EFL1: variants seen among roughly 807,000 people sequenced by gnomAD.
EFL1 encodes the protein elongation factor like GTPase 1.
A neutral mutation model predicts 126.7 loss-of-function variants in EFL1; 76 were observed. The ratio of observed to expected loss-of-function variants is 0.60; its 90% CI spans 0.50 to 0.73. The LOEUF (loss-of-function observed/expected upper bound fraction) is 0.73. Among genes scored for constraint, EFL1 ranks in the 30% least tolerant of loss-of-function variants. The pLI, the probability that EFL1 is intolerant of heterozygous loss-of-function variation, is 0.00. For missense variants in EFL1, 1,128 were observed against 1,343.2 expected, an observed-to-expected ratio of 0.84 and a Z score of 2.50; for synonymous variants, 410 against 448.4, an observed-to-expected ratio of 0.91 and a Z score of 1.08.
chr15:82,211,858 T>C (rs2074594357), intron 15 of EFL1, among the ~76,000 whole-genome samples: 1 of 152,196 alleles, frequency 6.6e-6, no homozygotes, highest in African/African-American at 2.4e-5. Context: ...CAAATAATCA[T>C]ATCAAAACAT....
At chr15:82,156,459 A>G (rs2073968420) in intron 17 of EFL1, among the ~76,000 whole-genome samples, 1 of 152,104 alleles carries the variant, frequency 6.6e-6, no homozygotes, top group Admixed American at 6.5e-5. Context: ...TAATTTTTGT[A>G]TTTTTAGTAG....
At chr15:82,185,231 G>A (rs1035393094) in intron 15 of EFL1, among the ~76,000 whole-genome samples, 1 of 144,714 alleles carries the variant, frequency 6.9e-6, no homozygotes, top group African/African-American at 2.5e-5. Context: ...CTCAATTCAC[G>A]GAGTGAAAAC....
At chr15:82,243,722 G>A (rs1330661086) in intron 4 of EFL1, among the ~76,000 whole-genome samples, 2 of 138,902 alleles carry the variant, frequency 1.4e-5, no homozygotes, top group Admixed American at 1.5e-4. Context: ...GACCTTTTAG[G>A]GAATAGTCAG....
intron 15 of EFL1, among the ~76,000 whole-genome samples, chr15:82,214,270 C>T (rs1567065839): frequency 2.0e-5 from 3 of 152,116 alleles, no homozygotes; most frequent in Non-Finnish European, 4.4e-5. Context: ...CAGATATAAA[C>T]GACGATCAAC....
chr15:82,171,251 C>T (rs1046876068), intron 15 of EFL1, among the ~76,000 whole-genome samples: 1 of 152,132 alleles, frequency 6.6e-6, no homozygotes, highest in African/African-American at 2.4e-5. Flanking sequence ...TTCTGTTAGT[C>T]GTGGATCAGA....
intron 4 of EFL1, among the ~76,000 whole-genome samples, chr15:82,251,376 G>A (rs1389096972): frequency 6.6e-6 from 1 of 152,162 alleles, no homozygotes; most frequent in Non-Finnish European, 1.5e-5. Context: ...ATTGGAACAG[G>A]TGAATTTTAT....
At chr15:82,138,915 A>C in intron 18 of EFL1, 73 bp from the exon 19 acceptor site, 1 of 1,373,868 alleles carries the variant, frequency 7.3e-7, no homozygotes, top group Non-Finnish European at 9.9e-7. Flanking sequence ...ATGATTACCC[A>C]TATACTCTGT....
intron 3 of EFL1, among the ~76,000 whole-genome samples, chr15:82,256,763 C>A (rs149390510): frequency 0.018 from 2,731 of 152,196 alleles, 28 homozygotes; most frequent in Non-Finnish European, 0.026. Flanking sequence ...TCCTTTAATC[C>A]ATTAATATAG....
rs147992582 is a variant in EFL1 at position 82,220,804 on chromosome 15, T to C, written c.1293-575A>G. On this transcript the variant is annotated intron_variant, in intron 12 of 19. Transcript: ENST00000268206. ...GAAGGGGTGGGGGAGGTAATTAAGC[T>C]CTTTTTCCTAAAGAACTACCCTCAT... Among the ~76,000 whole-genome samples the C allele has an allele frequency of 8.3e-3, 1,259 of 152,238 alleles. 11 individuals carry two copies. Among genetic ancestry groups the C allele is most frequent in the Non-Finnish European group, 8.1e-3 (553 of 68,006 alleles).
At position 82,139,357 on chromosome 15, in the gene EFL1, G is replaced by C. The variant is rs80145308; in HGVS notation, c.2990-515C>G. Among the ~76,000 whole-genome samples, 1,184 of 152,240 alleles carry C rather than the reference G, an allele frequency of 7.8e-3. 16 individuals carry two copies. Among genetic ancestry groups the C allele is most frequent in the African/African-American group, 0.027 (1,124 of 41,534 alleles). ...ATTTGTTCATAGTTTTCTTAAACTG[G>C]TAATATTTAAGTGGTATGAGTATTA... On this transcript the variant is annotated intron_variant, in intron 18 of 19. Coordinates refer to ENST00000268206, the MANE Select transcript of EFL1 (RefSeq NM_024580.6).
chr15:82,252,496 C>T (rs1275553386), intron 4 of EFL1, among the ~76,000 whole-genome samples, 195 bp downstream of exon 4: 1 of 152,202 alleles, frequency 6.6e-6, no homozygotes, highest in Non-Finnish European at 1.5e-5. Context: ...AGTTCTTCTG[C>T]CCTCAAACCA....
chr15:82,217,394 A>AAAC (rs1555429970), intron 14 of EFL1, among the ~76,000 whole-genome samples: 3 of 150,034 alleles, frequency 2.0e-5, no homozygotes, highest in African/African-American at 4.9e-5. Flanking sequence ...AAAAAAAAAA[A>AAAC]ACGAAAACAG....
chr15:82,158,762 A>T (rs545170747), intron 16 of EFL1, among the ~76,000 whole-genome samples: 19 of 152,338 alleles, frequency 1.2e-4, no homozygotes, highest in African/African-American at 4.6e-4. Context: ...GAACTTCTAT[A>T]CCTATTTATT....
At chr15:82,169,719 G>T (rs149861142) in intron 15 of EFL1, among the ~76,000 whole-genome samples, 80 of 151,050 alleles carry the variant, frequency 5.3e-4, no homozygotes, top group African/African-American at 1.9e-3. Context: ...TCCATTTGGC[G>T]TCTAAGTTTC....
At chr15:82,151,330 G>A in intron 18 of EFL1, 135 bp downstream of exon 18, 1 of 823,462 alleles carries the variant, frequency 1.2e-6, no homozygotes, top group Non-Finnish European at 1.9e-6. Context: ...AGAGGTTGCA[G>A]TGAGCCGAGA....
chr15:82,198,879 G>A (rs1362222799), intron 15 of EFL1, among the ~76,000 whole-genome samples: 11 of 152,108 alleles, frequency 7.2e-5, no homozygotes, highest in Admixed American at 7.2e-4. Context: ...TAATTTGGAA[G>A]ACTAAGCACC....
At chr15:82,164,441 C>A (rs2074056525) in intron 15 of EFL1, among the ~76,000 whole-genome samples, 1 of 152,084 alleles carries the variant, frequency 6.6e-6, no homozygotes, top group Non-Finnish European at 1.5e-5. Context: ...TAGTATGTTA[C>A]CCTAAGCTAC....
At chr15:82,245,083 A>G (rs2074959613) in intron 4 of EFL1, among the ~76,000 whole-genome samples, 1 of 152,148 alleles carries the variant, frequency 6.6e-6, no homozygotes, top group African/African-American at 2.4e-5. Flanking sequence ...ACAATTATAT[A>G]CAAAAATTGT....
At chr15:82,236,232 T>G (rs534882839) in intron 7 of EFL1, among the ~76,000 whole-genome samples, 1 of 152,136 alleles carries the variant, frequency 6.6e-6, no homozygotes, top group Non-Finnish European at 1.5e-5. Context: ...AGCAAAGATG[T>G]CAAAATTCTC....
Sources: allele counts gnomAD v4.1 joint callset (sites outside exome capture counted in the v4.1 genomes callset), GRCh38; gene constraint gnomAD v4.1.1; transcripts MANE v1.5; gene names NCBI Gene and HGNC (gene_info 2026-07-23, HGNC 2026-07-21).